Variants in ENPEP observed in about 807,000 individuals in gnomAD.
ENPEP encodes glutamyl aminopeptidase.
ENPEP carries 103 observed loss-of-function variants against 114.5 expected under a neutral mutation model. That is an observed-to-expected ratio of 0.90 (90% confidence interval 0.77 to 1.06). ENPEP has a LOEUF of 1.06. ENPEP is among the 50% of genes least tolerant of loss of function. The pLI is 0.00. For missense variants in ENPEP, 1,196 were observed against 1,161.3 expected (o/e 1.03, Z -0.43); for synonymous variants, 420 against 422.0 (o/e 1.00, Z 0.06).
chr4:110,558,729 A>AT (rs1413730663), intron 18 of ENPEP, among the ~76,000 whole-genome samples: 8 of 151,860 alleles, frequency 5.3e-5, no homozygotes, highest in East Asian at 1.9e-4. Flanking sequence ...TTGTGATGAG[A>AT]TTTTTTTTAC....
chr4:110,543,166 T>G (rs1726918483), intron 13 of ENPEP, 96 bp downstream of exon 13: 1 of 1,152,354 alleles, frequency 8.7e-7, no homozygotes, highest in Non-Finnish European at 1.3e-6. Flanking sequence ...TAATCAATTT[T>G]AGCTTAAAAT....
At position 110,480,023 on chromosome 4, in the gene ENPEP, C is replaced by T. The variant is rs536327182; in HGVS notation, c.644+2965C>T. On this transcript the variant is annotated intron_variant, in intron 1 of 19. Coordinates refer to ENST00000265162, the MANE Select transcript of ENPEP (RefSeq NM_001977.4). Reference sequence around the variant, plus strand: ...CCATAAAATATATACCAGAGAGCTGCCCTTCTGAAGCTCAGTTGACTTAAC... The same window carrying T: ...CCATAAAATATATACCAGAGAGCTGTCCTTCTGAAGCTCAGTTGACTTAAC... Among the ~76,000 whole-genome samples, 4 of 152,288 alleles carry T rather than the reference C, an allele frequency of 2.6e-5. No homozygotes were observed. In the South Asian group the frequency reaches 8.3e-4, roughly 32 times the overall value.
At chr4:110,501,982 C>A (rs566433862) in intron 3 of ENPEP, among the ~76,000 whole-genome samples, 2 of 152,228 alleles carry the variant, frequency 1.3e-5, no homozygotes, top group South Asian at 4.1e-4. Context: ...GCCATTCTGA[C>A]TGGGTGAGAT....
chr4:110,523,896 C>G (rs1037534877), intron 10 of ENPEP, among the ~76,000 whole-genome samples: 1 of 151,994 alleles, frequency 6.6e-6, no homozygotes, highest in Non-Finnish European at 1.5e-5. Context: ...TGGAAATGAG[C>G]AAATACTACG....
chr4:110,541,605 T>A lies in ENPEP; in HGVS notation c.1808-1146T>A, dbSNP rs539936546. Among the ~76,000 whole-genome samples, 3 of 152,236 alleles carry A rather than the reference T, an allele frequency of 2.0e-5. No individual in the cohort carries two copies. In the South Asian group the frequency reaches 6.2e-4, roughly 32 times the overall value. On this transcript the variant is annotated intron_variant, in intron 11 of 19. Coordinates refer to ENST00000265162, the MANE Select transcript of ENPEP (RefSeq NM_001977.4). ...TATCTCCCATACCACTATTGAAATC[T>A]TTCCAGAAAATAGACTTGAGCATGC...
chr4:110,549,213 T>C, intron 14 of ENPEP, 133 bp from the exon 15 acceptor site: 1 of 718,292 alleles, frequency 1.4e-6, no homozygotes, highest in Non-Finnish European at 2.3e-6. Context: ...TACATTGTTT[T>C]TCTAAGGACA....
intron 1 of ENPEP, among the ~76,000 whole-genome samples, chr4:110,480,608 A>G (rs1403733654): frequency 6.6e-6 from 1 of 152,202 alleles, no homozygotes; most frequent in Non-Finnish European, 1.5e-5. Flanking sequence ...CCACAATGCA[A>G]ACTAAACAGG....
Position 110,553,459 on chromosome 4 carries a change from GGATGATCT to G in ENPEP, c.2642+11_2642+18del. ...ACTGGGACTATCTAGTCAACAGGTGGGATGATCTGATGATGGTCTGCTGTTTTCTTTGT... is the reference window on the plus strand; with the variant it reads ...ACTGGGACTATCTAGTCAACAGGTGGGATGATGGTCTGCTGTTTTCTTTGT... On this transcript the variant is annotated splice_donor_5th_base_variant and intron_variant, in intron 18 of 19. Coordinates refer to ENST00000265162, the MANE Select transcript of ENPEP (RefSeq NM_001977.4). 1 of 1,604,128 alleles carries G rather than the reference GGATGATCT, an allele frequency of 6.2e-7. No homozygotes were observed. The highest frequency in any genetic ancestry group is 8.5e-7 in the Non-Finnish European group (1 of 1,173,860).
At chr4:110,551,165 G>A (rs1727275136) in intron 17 of ENPEP, among the ~76,000 whole-genome samples, 1 of 151,798 alleles carries the variant, frequency 6.6e-6, no homozygotes, top group Non-Finnish European at 1.5e-5. Flanking sequence ...TACTTTGATG[G>A]CATTGTGCTG....
In ENPEP at chr4:110,513,600, C is replaced by T. The variant is rs754606521; in HGVS notation, c.1443+51C>T. On this transcript the variant is annotated intron_variant, in intron 7 of 19. Transcript: ENST00000265162. ...AACATCTTCCTGTTTAGTGACTTTT[C>T]TTTTAGTGGATACCTAAAAATGGTA... 7.5e-6 allele frequency: 12 copies of T among 1,598,676 alleles called. No homozygotes were observed. The Admixed American group carries it at 2.0e-4, about 27-fold the overall frequency.
intron 18 of ENPEP, 48 bp downstream of exon 18, chr4:110,553,503 C>A (rs12501626): frequency 0.18 from 271,660 of 1,537,238 alleles, 24,431 homozygotes; most frequent in East Asian, 0.26. Flanking sequence ...TTCATACTAT[C>A]TACTGGTTCC....
At chr4:110,489,163 C>T (rs553862445) in intron 2 of ENPEP, among the ~76,000 whole-genome samples, 11 of 151,738 alleles carry the variant, frequency 7.2e-5, no homozygotes, top group Non-Finnish European at 1.3e-4. Context: ...GAACACTTTG[C>T]CCATAGACTC....
chr4:110,504,872 G>T (rs774252068), intron 3 of ENPEP, among the ~76,000 whole-genome samples: 10 of 152,158 alleles, frequency 6.6e-5, no homozygotes, highest in African/African-American at 1.2e-4. Flanking sequence ...CTCCACCTAC[G>T]GTGGGAGACC....
Position 110,548,250 on chromosome 4 carries a change from G to T in ENPEP, c.2075G>T (p.Trp692Leu). The T allele has an allele frequency of 6.3e-7, 1 of 1,593,302 alleles. No individual in the cohort carries two copies. The highest frequency in any genetic ancestry group is 8.5e-7 in the Non-Finnish European group (1 of 1,169,714). Residue 692 changes from tryptophan to leucine, a missense_variant, in exon 14 of 20, where the codon TGG becomes TTG. Trp to Leu is a moderately conservative substitution (Grantham distance 61, BLOSUM62 -2). Transcript: ENST00000265162. ...YLKREENFLP[W>L]QRVISAVTYI... ...AAAAGGGAAGAGAATTTTTTACCAT[G>T]GCAGAGAGTAATTTCAGCTGTAACC...
At chr4:110,513,615 TA>T in intron 7 of ENPEP, 66 bp downstream of exon 7, 1 of 1,578,234 alleles carries the variant, frequency 6.3e-7, no homozygotes, top group Non-Finnish European at 8.6e-7. Context: ...AGTGGATACC[TA>T]AAAATGGTAA....
At chr4:110,502,106 C>T (rs1187585670) in intron 3 of ENPEP, among the ~76,000 whole-genome samples, 1 of 152,090 alleles carries the variant, frequency 6.6e-6, no homozygotes, top group Non-Finnish European at 1.5e-5. Flanking sequence ...TGTCTGTTCA[C>T]ATCCTTTGCC....
intron 3 of ENPEP, among the ~76,000 whole-genome samples, chr4:110,496,069 G>T (rs895811553): frequency 2.0e-5 from 3 of 152,150 alleles, no homozygotes; most frequent in African/African-American, 7.2e-5. Context: ...AAATCTTACA[G>T]GATGATCGCT....
At position 110,488,689 on chromosome 4, in the gene ENPEP, A is replaced by G; in HGVS notation, c.786+7A>G. 1.9e-6 allele frequency: 3 copies of G among 1,605,082 alleles called. No individual in the cohort carries two copies. The highest frequency in any genetic ancestry group is 1.1e-5 in the South Asian group (1 of 89,132). On this transcript the variant is annotated splice_region_variant and intron_variant, in intron 2 of 19. Transcript: ENST00000265162. ...TTCAAATATGCCAGTGGCGGTAAGT[A>G]TTTTTTAAATGTTTTGTTTATGCAG...
chr4:110,532,523 A>G (rs1726445273), intron 11 of ENPEP, among the ~76,000 whole-genome samples: 1 of 152,090 alleles, frequency 6.6e-6, no homozygotes, highest in African/African-American at 2.4e-5. Flanking sequence ...TATTTGGATC[A>G]TTTCCACCTT....
Sources: allele counts gnomAD v4.1 joint callset (sites outside exome capture counted in the v4.1 genomes callset), GRCh38; gene constraint gnomAD v4.1.1; transcripts MANE v1.5; gene names NCBI Gene and HGNC (gene_info 2026-07-23, HGNC 2026-07-21).